The following VEGFA variants were observed in gnomAD, a reference collection of about 807,000 sequenced individuals.
VEGFA encodes vascular endothelial growth factor A, also known as vascular endothelial growth factor A, long form.
In VEGFA, 20 loss-of-function variants were observed where a neutral mutation model predicts 49.7. The observed-to-expected ratio is 0.40, with a 90% CI of 0.28 to 0.58. The LOEUF (loss-of-function observed/expected upper bound fraction) is 0.58, where lower values mean the gene tolerates loss of function less well. VEGFA is among the 20% of genes least tolerant of loss of function. VEGFA has a pLI of 0.40. For synonymous variants in VEGFA, 219 were observed against 223.4 expected (o/e 0.98, Z 0.18); for missense variants, 505 against 553.5 (o/e 0.91, Z 0.88).
At chr6:43,774,069 C>T (rs1764497010) in intron 1 of VEGFA, 1 of 558,324 alleles carries the variant, frequency 1.8e-6, no homozygotes, top group African/African-American at 1.9e-5. Context: ...GTGAAGCATT[C>T]TGGGGTTTTC....
chr6:43,782,378 G>T, intron 7 of VEGFA: 1 of 431,106 alleles, frequency 2.3e-6, no homozygotes, highest in Non-Finnish European at 4.4e-6. Context: ...CAAGCTGTGT[G>T]TTGTGTCCTG....
intron 7 of VEGFA, chr6:43,784,324 A>G: frequency 1.6e-6 from 1 of 619,434 alleles, no homozygotes; most frequent in South Asian, 1.9e-5. Context: ...CCCTGAGTGG[A>G]GCTGCTGCTC....
chr6:43,785,468 C>T lies in VEGFA; in HGVS notation c.*906C>T. On this transcript the variant is annotated 3_prime_UTR_variant, in exon 8 of 8. Coordinates refer to ENST00000672860, the MANE Select transcript of VEGFA (RefSeq NM_003376.6). ...TTACTCTCACCTGCTTCTGAGTTGC[C>T]CAGGAGACCACTGGCAGATGTCCCG... 4.5e-6 allele frequency: 1 copy of T among 221,630 alleles called. No homozygotes were observed. Among genetic ancestry groups the T allele is most frequent in the Non-Finnish European group, 9.1e-6 (1 of 110,478 alleles). The allele number at this position is 221,630 out of a possible 1,614,324, so 13.7% of individuals were successfully genotyped here.
rs1582550887 is a variant in VEGFA, at chr6:43,786,191, A to T, written c.*1629A>T. On this transcript the variant is annotated 3_prime_UTR_variant, in exon 8 of 8. Coordinates refer to ENST00000672860, the MANE Select transcript of VEGFA (RefSeq NM_003376.6). ...TGTATATATGTGATTCTGATAAAAT[A>T]GACATTGCTATTCTGTTTTTTATAT... is the stretch of plus-strand genomic sequence containing the variant. The T allele has an allele frequency of 5.6e-6, 1 of 177,304 alleles. No homozygotes were observed. Among genetic ancestry groups the T allele is most frequent in the African/African-American group, 2.4e-5 (1 of 42,260 alleles). The allele number at this position is 177,304 out of a possible 1,614,324, so 11.0% of individuals were successfully genotyped here.
chr6:43,770,865 AC>A lies in VEGFA; in HGVS notation c.160del (p.Leu54PhefsTer96). The A allele has an allele frequency of 6.5e-7, 1 of 1,538,766 alleles. No individual in the cohort carries two copies. Among genetic ancestry groups the A allele is most frequent in the Non-Finnish European group, 8.7e-7 (1 of 1,143,338 alleles). On this transcript the variant is annotated frameshift_variant, in exon 1 of 8. Coordinates refer to ENST00000672860, the MANE Select transcript of VEGFA (RefSeq NM_003376.6). LOFTEE classifies it high-confidence loss of function. The stretch of plus-strand genomic sequence containing the variant: ...TCGGGGCTCGCGGCGTCGCACTGAA[AC>A]TTTTCGTCCAACTTCTGGGCTGTTC...
At position 43,777,157 on chromosome 6, in the gene VEGFA, T is replaced by C. The variant is rs1434858028; in HGVS notation, c.659-312T>C. The C allele has an allele frequency of 2.2e-6, 1 of 452,016 alleles. No individual in the cohort carries two copies. Among genetic ancestry groups the C allele is most frequent in the Non-Finnish European group, 4.2e-6 (1 of 240,138 alleles). 28.0% of individuals were successfully genotyped at this position (452,016 alleles called of 1,614,324 possible). ...GTATACCCATACTCAGACTGTCCTCTGGCATCGAGGTTGGCCCAGGATTCA... is the reference window on the plus strand; with the variant it reads ...GTATACCCATACTCAGACTGTCCTCCGGCATCGAGGTTGGCCCAGGATTCA... On this transcript the variant is annotated intron_variant, in intron 2 of 7. Transcript: ENST00000672860. This position sits in a 1 kb window ranked among gnomAD's most constrained non-coding sequence, Gnocchi z 4.3.
Position 43,777,724 on chromosome 6 carries a change from A to C in VEGFA, c.855+59A>C. On this transcript the variant is annotated intron_variant, in intron 3 of 7. Transcript: ENST00000672860. The surrounding 1 kb of genome is among the most constrained non-coding windows in gnomAD (Gnocchi z 4.3). ...ATAGGGAGGGGGGTAACACTTTGGG[A>C]ACAGGTGGTCCCAGGTCGTTTCCTG... The C allele has an allele frequency of 6.6e-7, 1 of 1,504,330 alleles. No homozygotes were observed. The allele number at this position is 1,504,330 out of a possible 1,614,324, so 93.2% of individuals were successfully genotyped here.
intron 6 of VEGFA, 62 bp downstream of exon 6, chr6:43,780,865 C>A (rs367968828): frequency 1.2e-6 from 2 of 1,613,306 alleles, no homozygotes; most frequent in Non-Finnish European, 1.7e-6. Flanking sequence ...GTACAACCTC[C>A]GCCTGCCATT....
intron 7 of VEGFA, chr6:43,783,230 G>A (rs1472949559): frequency 6.6e-6 from 1 of 152,342 alleles, no homozygotes; most frequent in Non-Finnish European, 1.5e-5. Flanking sequence ...GTAAGCGTCA[G>A]TCAGGGAGGC....
At chr6:43,781,484 TG>T in intron 6 of VEGFA, 2 of 282,372 alleles carry the variant, frequency 7.1e-6, no homozygotes, top group East Asian at 9.3e-5. Flanking sequence ...CGGCCTGGCC[TG>T]GGGACACCGC....
chr6:43,774,452 C>T lies in VEGFA; in HGVS notation c.658+60C>T. The T allele has an allele frequency of 3.2e-6, 5 of 1,585,616 alleles. No homozygotes were observed. The South Asian group carries it at 4.4e-5, about 14-fold the overall frequency. Reference sequence around the variant, plus strand: ...TCCTCTCAGGGGATGGGTGGATGGCCTAATTCCTTTTTCTTCAGAACTGTG... The same window carrying T: ...TCCTCTCAGGGGATGGGTGGATGGCTTAATTCCTTTTTCTTCAGAACTGTG... On this transcript the variant is annotated intron_variant, in intron 2 of 7. Coordinates refer to ENST00000672860, the MANE Select transcript of VEGFA (RefSeq NM_003376.6).
At chr6:43,772,802 C>T (rs972244834) in intron 1 of VEGFA, among the ~76,000 whole-genome samples, 1 of 152,202 alleles carries the variant, frequency 6.6e-6, no homozygotes, top group African/African-American at 2.4e-5. Flanking sequence ...GTTCCTCAGA[C>T]CCTGGCACAA....
intron 5 of VEGFA, chr6:43,779,838 G>C: frequency 2.4e-6 from 1 of 412,406 alleles, no homozygotes; most frequent in Non-Finnish European, 5.0e-6. Context: ...GTTCTCTTGG[G>C]CTTGGCAGGC....
In VEGFA at chr6:43,773,711, GTGGTTC is replaced by G. The variant is rs2128006978; in HGVS notation, c.607-628_607-623del. ...GAGAGATTTGTGTAGAGAGGAAAAT[GTGGTTC>G]TCCCCCAGGGTCTCCTCCTGGGTTT... On this transcript the variant is annotated intron_variant, in intron 1 of 7. Transcript: ENST00000672860. This position sits in a 1 kb window ranked among gnomAD's most constrained non-coding sequence, Gnocchi z 5.6. 1.3e-5 allele frequency: 2 copies of G among 157,410 alleles called. No individual in the cohort carries two copies. The highest frequency in any genetic ancestry group is 3.7e-4 in the East Asian group (2 of 5,396). The allele number at this position is 157,410 out of a possible 1,614,324, so 9.8% of individuals were successfully genotyped here.
rs185218985 is a variant in VEGFA at position 43,780,808 on chromosome 6, G to A, written c.1034+5G>A. ...CCGGTATAAGTCCTGGAGCGTGTAC[G>A]TTGGTGCCCGCTGCTGTCTAATGCC... On this transcript the variant is annotated splice_donor_5th_base_variant and intron_variant, in intron 6 of 7. Transcript: ENST00000672860. 322 of 1,613,944 alleles carry A rather than the reference G, an allele frequency of 2.0e-4. 1 individual carries two copies. In the East Asian group the frequency reaches 6.3e-3, roughly 32 times the overall value.
chr6:43,784,728 C>T lies in VEGFA; in HGVS notation c.*166C>T, dbSNP rs1769162635. 10 of 1,345,650 alleles carry T rather than the reference C, an allele frequency of 7.4e-6. No homozygotes were observed. The allele number at this position is 1,345,650 out of a possible 1,614,324, so 83.4% of individuals were successfully genotyped here. A position where few individuals can be genotyped will look rare whatever the true frequency, so the allele number is the denominator to read the frequency against. ...AAACCTGAAATGAAGGAAGAGGAGA[C>T]TCTGCGCAGAGCACTTTGGGTCCGG... On this transcript the variant is annotated 3_prime_UTR_variant, in exon 8 of 8. Transcript: ENST00000672860.
Position 43,777,224 on chromosome 6 carries a change from G to T in VEGFA, c.659-245G>T, listed in dbSNP as rs1765727305. On this transcript the variant is annotated intron_variant, in intron 2 of 7. Transcript: ENST00000672860. This position sits in a 1 kb window ranked among gnomAD's most constrained non-coding sequence, Gnocchi z 4.3. ...GAGGTGGCGGGATCAGATGTGGCAG[G>T]CCATGTCCCTTGGAACTTGAGTACA... 1.7e-6 allele frequency: 1 copy of T among 584,306 alleles called. No individual in the cohort carries two copies. The highest frequency in any genetic ancestry group is 3.1e-5 in the East Asian group (1 of 32,134). 36.2% of individuals were successfully genotyped at this position (584,306 alleles called of 1,614,324 possible). A position where few individuals can be genotyped will look rare whatever the true frequency, so the allele number is the denominator to read the frequency against.
chr6:43,777,689 CAAGGGGGGGATAGGGAGGGGGGT>C lies in VEGFA; in HGVS notation c.855+27_855+49del. 2.0e-6 allele frequency: 3 copies of C among 1,468,838 alleles called. No homozygotes were observed. The highest frequency in any genetic ancestry group is 2.7e-6 in the Non-Finnish European group (3 of 1,094,844). The allele number at this position is 1,468,838 out of a possible 1,614,324, so 91.0% of individuals were successfully genotyped here. A position where few individuals can be genotyped will look rare whatever the true frequency, so the allele number is the denominator to read the frequency against. On this transcript the variant is annotated intron_variant, in intron 3 of 7. Coordinates refer to ENST00000672860, the MANE Select transcript of VEGFA (RefSeq NM_003376.6). This position sits in a 1 kb window ranked among gnomAD's most constrained non-coding sequence, Gnocchi z 4.3. The stretch of plus-strand genomic sequence containing the variant: ...AGGTGGGCATCTTTGGGAAGTGGGG[CAAGGGGGGGATAGGGAGGGGGGT>C]AACACTTTGGGAACAGGTGGTCCCA...
chr6:43,770,838 G>T lies in VEGFA; in HGVS notation c.132G>T (p.Gly44=), dbSNP rs905041094. ...CCGCGCCCGGAGGCGGGGTGGAGGG[G>T]GTCGGGGCTCGCGGCGTCGCACTGA... The change falls in exon 1 of 8, where the codon GGG becomes GGT. Residue 44 remains glycine, a synonymous_variant. Transcript: ENST00000672860. 3 of 1,529,716 alleles carry T rather than the reference G, an allele frequency of 2.0e-6. No homozygotes were observed. In the African/African-American group the frequency reaches 4.3e-5, roughly 22 times the overall value. The allele number at this position is 1,529,716 out of a possible 1,614,324, so 94.8% of individuals were successfully genotyped here.
Sources: gnomAD v4.1 joint callset for allele counts (sites outside exome capture counted in the v4.1 genomes callset) on GRCh38, gnomAD v4.1.1 for gene constraint, Gnocchi (gnomAD v3.1) non-coding constraint, MANE v1.5 for transcripts, NCBI Gene and HGNC (gene_info 2026-07-23, HGNC 2026-07-21) for gene names.